Variants in MYRIP observed in about 807,000 individuals in gnomAD.
MYRIP encodes the protein myosin VIIA and Rab interacting protein.
A neutral mutation model predicts 98.0 loss-of-function variants in MYRIP; 49 were observed. That is an observed-to-expected ratio of 0.50 (90% CI 0.40 to 0.63). The LOEUF (loss-of-function observed/expected upper bound fraction) is 0.63, where lower values mean the gene tolerates loss of function less well. MYRIP is among the 30% of genes least tolerant of loss of function. MYRIP has a pLI of 0.00. For synonymous variants in MYRIP, 404 were observed against 409.5 expected, an observed-to-expected ratio of 0.99 and a Z score of 0.16; for missense variants, 1,004 against 1,058.2, an observed-to-expected ratio of 0.95 and a Z score of 0.71.
At chr3:39,820,345 G>C (rs995143085) in intron 1 of MYRIP, among the ~76,000 whole-genome samples, 1 of 151,348 alleles carries the variant, frequency 6.6e-6, no homozygotes, top group African/African-American at 2.4e-5. Flanking sequence ...GAAATCTTTG[G>C]GGAAAAGAAA....
Position 40,207,300 on chromosome 3 carries a change from T to C in MYRIP, c.1666-2554T>C, listed in dbSNP as rs186984698. On this transcript the variant is annotated intron_variant, in intron 10 of 16. Coordinates refer to ENST00000302541, the MANE Select transcript of MYRIP (RefSeq NM_015460.4). ...GAATGCCTGTCCCATGACGACATAT[T>C]AAAATGTCCCTCATATTTTGAGAAC... 1.8e-4 allele frequency among the ~76,000 whole-genome samples: 28 copies of C among 152,282 alleles called. No individual in the cohort carries two copies. In the East Asian group the frequency reaches 4.6e-3, roughly 25 times the overall value.
intron 3 of MYRIP, among the ~76,000 whole-genome samples, chr3:40,064,198 T>C (rs187876188): frequency 1.3e-5 from 2 of 152,164 alleles, no homozygotes; most frequent in East Asian, 3.9e-4. Context: ...ACCCCCCTTT[T>C]ACAGTTGTGG....
chr3:39,847,459 C>T (rs769569210), intron 1 of MYRIP, among the ~76,000 whole-genome samples: 1 of 152,180 alleles, frequency 6.6e-6, no homozygotes, highest in Non-Finnish European at 1.5e-5. Flanking sequence ...GATAGTTACA[C>T]TTCTTGTTTC....
intron 1 of MYRIP, among the ~76,000 whole-genome samples, chr3:39,888,359 C>A (rs1943372945): frequency 6.6e-6 from 1 of 151,230 alleles, no homozygotes; most frequent in Admixed American, 6.6e-5. Flanking sequence ...GAACAGAGCC[C>A]TCAGAAATAA....
chr3:40,113,617 C>A lies in MYRIP; in HGVS notation c.333-37431C>A, dbSNP rs375702397. On this transcript the variant is annotated intron_variant, in intron 3 of 16. Coordinates refer to ENST00000302541, the MANE Select transcript of MYRIP (RefSeq NM_015460.4). Reference sequence around the variant, plus strand: ...TACATTAAAATAAATTCTAGATGGCCCAAAGATTGAAATGTTAAAAAGTGA... The same window carrying A: ...TACATTAAAATAAATTCTAGATGGCACAAAGATTGAAATGTTAAAAAGTGA... 3.9e-5 allele frequency among the ~76,000 whole-genome samples: 6 copies of A among 152,110 alleles called. No individual in the cohort carries two copies. The East Asian group carries it at 9.6e-4, about 24-fold the overall frequency.
intron 3 of MYRIP, among the ~76,000 whole-genome samples, chr3:40,057,340 C>T (rs1947906099): frequency 6.6e-6 from 1 of 152,132 alleles, no homozygotes; most frequent in Non-Finnish European, 1.5e-5. Context: ...ACTGGGATTG[C>T]ATTTTGGAAC....
chr3:39,986,664 T>C (rs1946039492), intron 2 of MYRIP, among the ~76,000 whole-genome samples: 1 of 152,164 alleles, frequency 6.6e-6, no homozygotes, highest in African/African-American at 2.4e-5. Context: ...TGTTGATCCC[T>C]GATGGCTCGG....
intron 10 of MYRIP, among the ~76,000 whole-genome samples, chr3:40,206,622 T>C (rs927369514): frequency 1.3e-5 from 2 of 152,132 alleles, no homozygotes; most frequent in African/African-American, 4.8e-5. Flanking sequence ...ACCTTACATG[T>C]GGTTATTCTG....
intron 3 of MYRIP, among the ~76,000 whole-genome samples, chr3:40,055,048 G>T (rs1279293796): frequency 1.3e-5 from 2 of 152,130 alleles, no homozygotes; most frequent in Non-Finnish European, 2.9e-5. Context: ...CAGCCTAGCA[G>T]ATGTCATCAC....
chr3:40,127,767 A>C (rs762089872), intron 3 of MYRIP, among the ~76,000 whole-genome samples: 1 of 152,204 alleles, frequency 6.6e-6, no homozygotes, highest in Non-Finnish European at 1.5e-5. Context: ...CAGACACGGT[A>C]CAGCGTATTT....
chr3:40,215,687 T>C (rs1379857187), intron 11 of MYRIP, among the ~76,000 whole-genome samples: 1 of 152,166 alleles, frequency 6.6e-6, no homozygotes, highest in Non-Finnish European at 1.5e-5. Context: ...ACTTAACCAT[T>C]CATGTGAGGC....
intron 10 of MYRIP, among the ~76,000 whole-genome samples, chr3:40,203,944 T>TATATATC (rs1441080109): frequency 0.019 from 21 of 1,090 alleles, 1 homozygote; most frequent in Admixed American, 0.067. Context: ...ATATATATTA[T>TATATATC]ATATATTATA....
In MYRIP at chr3:40,251,970, GA is replaced by G; in HGVS notation, c.2521del (p.Arg841GlyfsTer8). The G allele has an allele frequency of 6.2e-7, 1 of 1,612,156 alleles. No individual in the cohort carries two copies. The highest frequency in any genetic ancestry group is 1.1e-5 in the South Asian group (1 of 91,018). On this transcript the variant is annotated frameshift_variant, in exon 16 of 17. Transcript: ENST00000302541. LOFTEE classifies it high-confidence loss of function. ...LQGSSTNRTK[E>X]RKGTTKDLME... Reference sequence around the variant, plus strand: ...AGGCTCCTCAACAAACAGGACTAAGGAAAGGAAAGGCACCACCAAGGATTTG... The same window carrying G: ...AGGCTCCTCAACAAACAGGACTAAGGAAGGAAAGGCACCACCAAGGATTTG...
intron 2 of MYRIP, among the ~76,000 whole-genome samples, chr3:39,935,213 T>C (rs932382370): frequency 5.9e-5 from 9 of 152,116 alleles, no homozygotes; most frequent in Admixed American, 4.6e-4. Context: ...ACGGGGCAGA[T>C]AAAGATAGAG....
At chr3:40,210,229 A>G (rs1951887232) in intron 11 of MYRIP, 136 bp downstream of exon 11, 7 of 1,082,970 alleles carry the variant, frequency 6.5e-6, no homozygotes, top group Non-Finnish European at 9.1e-6. Flanking sequence ...TGCATTTGGG[A>G]GAGCCTAAGA....
chr3:39,895,915 T>G (rs578113997), intron 1 of MYRIP, among the ~76,000 whole-genome samples: 16 of 108,874 alleles, frequency 1.5e-4, no homozygotes, highest in Non-Finnish European at 2.1e-4. Flanking sequence ...TGTGTGTGTG[T>G]GGTGTGTGTG....
chr3:39,930,832 A>G (rs543378806), intron 2 of MYRIP, among the ~76,000 whole-genome samples: 3 of 152,086 alleles, frequency 2.0e-5, no homozygotes, highest in South Asian at 2.1e-4. Context: ...CCAATTCACT[A>G]TAAATTTAAT....
At chr3:39,945,157 T>C (rs1007733077) in intron 2 of MYRIP, among the ~76,000 whole-genome samples, 8 of 151,404 alleles carry the variant, frequency 5.3e-5, no homozygotes, top group Non-Finnish European at 1.0e-4. Flanking sequence ...GGGTTTTATG[T>C]TTTATTTGGT....
intron 3 of MYRIP, among the ~76,000 whole-genome samples, chr3:40,144,523 C>A (rs1455240457): frequency 6.6e-6 from 1 of 152,184 alleles, no homozygotes; most frequent in Non-Finnish European, 1.5e-5. Context: ...CCATGTGGAC[C>A]CTTCCAGCTG....
Sources: allele counts gnomAD v4.1 joint callset (sites outside exome capture counted in the v4.1 genomes callset), GRCh38; gene constraint gnomAD v4.1.1; transcripts MANE v1.5; gene names NCBI Gene and HGNC (gene_info 2026-07-23, HGNC 2026-07-21).